SPMAP2L: variants seen among roughly 807,000 people sequenced by gnomAD.
SPMAP2L encodes the protein sperm microtubule associated protein 2-like.
chr4:56,564,133 A>AT, the SPMAP2L span, among the ~76,000 whole-genome samples: 3,705 of 133,602 alleles, frequency 0.028, 162 homozygotes, highest in African/African-American at 0.095. Context: ...AATCTGTGGA[A>AT]TTTTTTTTTT....
the SPMAP2L span, chr4:56,593,813 G>A: frequency 1.9e-6 from 3 of 1,607,890 alleles, no homozygotes; most frequent in Admixed American, 3.3e-5. Context: ...TACAGCTCAG[G>A]CCCTCTTGGC....
chr4:56,578,597 A>G, the SPMAP2L span, among the ~76,000 whole-genome samples: 1 of 152,170 alleles, frequency 6.6e-6, no homozygotes, highest in Non-Finnish European at 1.5e-5. Context: ...TGCTGTCTAC[A>G]AAAGACATAC....
chr4:56,559,353 A>ATT, the SPMAP2L span: 1 of 1,228,774 alleles, frequency 8.1e-7, no homozygotes, highest in Non-Finnish European at 1.0e-6. Context: ...ACTAGCAATC[A>ATT]ATTTTTTTTT....
chr4:56,595,621 G>A, the SPMAP2L span: 20 of 1,268,144 alleles, frequency 1.6e-5, no homozygotes, highest in African/African-American at 8.8e-5. Context: ...GTGATTGCCC[G>A]GATTGATGAC....
the SPMAP2L span, among the ~76,000 whole-genome samples, chr4:56,569,500 GT>G: frequency 7.8e-3 from 1,176 of 150,628 alleles, 10 homozygotes; most frequent in East Asian, 0.041. Flanking sequence ...TTGCTTTTAA[GT>G]TTTTTTTTTA....
chr4:56,599,693 G>A, the SPMAP2L span, among the ~76,000 whole-genome samples: 19 of 152,130 alleles, frequency 1.2e-4, no homozygotes, highest in Admixed American at 4.6e-4. Flanking sequence ...TGAGGATGAT[G>A]GCTTCCAGCT....
the SPMAP2L span, among the ~76,000 whole-genome samples, chr4:56,610,233 C>T: frequency 6.6e-6 from 1 of 152,150 alleles, no homozygotes; most frequent in South Asian, 2.1e-4. Context: ...CAGCATAGTA[C>T]TGCTATAAAA....
chr4:56,585,759 T>C, the SPMAP2L span, among the ~76,000 whole-genome samples: 2 of 152,220 alleles, frequency 1.3e-5, no homozygotes, highest in East Asian at 3.8e-4. Flanking sequence ...TGTTTGCTTG[T>C]AGCAGCTGCT....
chr4:56,554,928 C>T, the SPMAP2L span, among the ~76,000 whole-genome samples: 1 of 142,514 alleles, frequency 7.0e-6, no homozygotes, highest in East Asian at 2.0e-4. Context: ...GTTGAAAAGA[C>T]TATCATTTCT....
the SPMAP2L span, among the ~76,000 whole-genome samples, chr4:56,613,508 C>G: frequency 2.0e-5 from 3 of 152,126 alleles, no homozygotes; most frequent in African/African-American, 4.8e-5. Flanking sequence ...TGTGGAAAGG[C>G]AAGGATGGCT....
At chr4:56,601,219 C>G in the SPMAP2L span, 1 of 1,087,632 alleles carries the variant, frequency 9.2e-7, no homozygotes. Context: ...ATGAAAAGAA[C>G]TTCCAAAACA....
chr4:56,595,119 G>A, the SPMAP2L span: 5 of 1,611,226 alleles, frequency 3.1e-6, no homozygotes, highest in Admixed American at 6.7e-5. Flanking sequence ...TCAAGATGAT[G>A]GGAGGCAAGG....
the SPMAP2L span, among the ~76,000 whole-genome samples, chr4:56,576,584 A>T: frequency 6.6e-6 from 1 of 152,228 alleles, no homozygotes; most frequent in Non-Finnish European, 1.5e-5. Context: ...CTGTGACTTT[A>T]CATGGATTTT....
chr4:56,568,813 G>A, the SPMAP2L span, among the ~76,000 whole-genome samples: 31,331 of 152,030 alleles, frequency 0.21, 3,690 homozygotes, highest in East Asian at 0.44. Context: ...CAGTTCTTAC[G>A]CCCCTTCAAC....
the SPMAP2L span, among the ~76,000 whole-genome samples, chr4:56,615,911 C>T: frequency 1.3e-5 from 2 of 152,112 alleles, no homozygotes; most frequent in African/African-American, 2.4e-5. Flanking sequence ...CGCCAAGAAC[C>T]GCCACTCGGA....
At chr4:56,620,489 C>G in the SPMAP2L span, among the ~76,000 whole-genome samples, 1 of 151,448 alleles carries the variant, frequency 6.6e-6, no homozygotes, top group Admixed American at 6.6e-5. Context: ...TGGGTTCAAG[C>G]GATTCTCCTG....
chr4:56,542,789 G>A, the SPMAP2L span, among the ~76,000 whole-genome samples: 1 of 152,136 alleles, frequency 6.6e-6, no homozygotes, highest in Admixed American at 6.5e-5. Flanking sequence ...TGATGAGTGG[G>A]TTCAGGTGAG....
chr4:56,622,175 A>T, the SPMAP2L span, among the ~76,000 whole-genome samples: 1 of 152,216 alleles, frequency 6.6e-6, no homozygotes, highest in Non-Finnish European at 1.5e-5. Context: ...AAGCCTATTA[A>T]TTTTTTTACA....
At chr4:56,595,063 G>A in the SPMAP2L span, 6 of 1,610,120 alleles carry the variant, frequency 3.7e-6, no homozygotes, top group Admixed American at 8.3e-5. Flanking sequence ...CGTCAGTGCG[G>A]CCCCATGGGG....
Sources: gnomAD v4.1 joint callset for allele counts (sites outside exome capture counted in the v4.1 genomes callset) on GRCh38, gnomAD v4.1.1 for gene constraint, MANE v1.5 for transcripts, NCBI Gene and HGNC (gene_info 2026-07-23, HGNC 2026-07-21) for gene names.